The following ITGAE variants were observed in gnomAD, a reference collection of about 807,000 sequenced individuals.
ITGAE encodes the protein integrin alpha-E.
Under a neutral mutation model 136.5 loss-of-function variants are expected in ITGAE, and 99 were observed. The observed-to-expected ratio is 0.73, with a 90% CI of 0.62 to 0.86. The LOEUF (loss-of-function observed/expected upper bound fraction) is 0.86. ITGAE is among the 40% of genes least tolerant of loss of function. The probability of loss-of-function intolerance (pLI) is 0.00; values close to 1 mark genes in which losing one functional copy is unlikely to be tolerated. For synonymous variants in ITGAE, 613 were observed against 591.8 expected (o/e 1.04, Z -0.52); for missense variants, 1,447 against 1,515.3 (o/e 0.95, Z 0.75).
chr17:3,715,176 G>A (rs895413108), intron 30 of ITGAE, among the ~76,000 whole-genome samples: 2 of 152,116 alleles, frequency 1.3e-5, no homozygotes, highest in African/African-American at 2.4e-5. Flanking sequence ...CTGCTCTCCC[G>A]AGCAGCTGAA....
intron 17 of ITGAE, 73 bp downstream of exon 17, chr17:3,747,849 T>A: frequency 2.0e-6 from 1 of 489,116 alleles, no homozygotes; most frequent in African/African-American, 2.3e-5. Flanking sequence ...CAGTCCTCTT[T>A]CCCTGCCCCT....
intron 2 of ITGAE, among the ~76,000 whole-genome samples, chr17:3,764,578 TCCCAGCTACTCAGGAGG>T (rs2052249762): frequency 6.6e-6 from 1 of 152,156 alleles, no homozygotes; most frequent in Admixed American, 6.5e-5. Context: ...GTGCCTGTAG[TCCCAGCTACTCAGGAGG>T]CTGAGGCAGG....
intron 23 of ITGAE, among the ~76,000 whole-genome samples, chr17:3,730,736 A>G (rs575250455): frequency 2.6e-5 from 4 of 151,772 alleles, no homozygotes; most frequent in African/African-American, 9.7e-5. Flanking sequence ...GGGCAGAATC[A>G]CCTCCCTTTG....
chr17:3,776,962 CTTT>C (rs72345629), intron 2 of ITGAE, among the ~76,000 whole-genome samples: 16 of 138,042 alleles, frequency 1.2e-4, no homozygotes, highest in Admixed American at 2.2e-4. Context: ...TTAAAATTGT[CTTT>C]TTTTTTTTTT....
Position 3,754,638 on chromosome 17 carries a change from G to C in ITGAE, c.1384+479C>G, listed in dbSNP as rs532349079. 42 of 179,620 alleles carry C rather than the reference G, an allele frequency of 2.3e-4. No homozygotes were observed. The South Asian group carries it at 3.0e-3, about 13-fold the overall frequency. The allele number at this position is 179,620 out of a possible 1,614,324, so 11.1% of individuals were successfully genotyped here. On this transcript the variant is annotated intron_variant, in intron 12 of 30. Transcript: ENST00000263087. ...TGACAGGCCTTGTACCTACCCAGGA[G>C]GCTGTAGTACTCAGCCTCACGGTCC...
intron 16 of ITGAE, among the ~76,000 whole-genome samples, 170 bp downstream of exon 16, chr17:3,750,182 G>A (rs1225225122): frequency 6.7e-6 from 1 of 149,790 alleles, no homozygotes; most frequent in Admixed American, 6.6e-5. Flanking sequence ...CAAAGGCTGA[G>A]AGGGCTGAGA....
intron 1 of ITGAE, among the ~76,000 whole-genome samples, chr17:3,789,539 C>CA (rs1567560229): frequency 7.4e-6 from 1 of 135,714 alleles, no homozygotes; most frequent in East Asian, 2.5e-4. Context: ...CTCGCTCTGT[C>CA]ACCCAGGCTG....
At chr17:3,775,242 C>A (rs897885490) in intron 2 of ITGAE, among the ~76,000 whole-genome samples, 5 of 152,140 alleles carry the variant, frequency 3.3e-5, no homozygotes, top group Admixed American at 6.6e-5. Context: ...AGCCACTGCA[C>A]CTGCCAACCT....
At chr17:3,727,323 C>T (rs1005836483) in intron 26 of ITGAE, among the ~76,000 whole-genome samples, 2 of 151,980 alleles carry the variant, frequency 1.3e-5, no homozygotes, top group African/African-American at 4.8e-5. Flanking sequence ...TCACATGTTA[C>T]ATCGCTCACA....
intron 26 of ITGAE, chr17:3,726,267 C>T (rs267604847): frequency 1.2e-6 from 2 of 1,614,152 alleles, no homozygotes; most frequent in Non-Finnish European, 1.7e-6. Flanking sequence ...CCAGGAGTTC[C>T]ACAGGACAAT....
chr17:3,760,583 T>C (rs1471728173), intron 6 of ITGAE, among the ~76,000 whole-genome samples: 1 of 151,700 alleles, frequency 6.6e-6, no homozygotes, highest in Admixed American at 6.6e-5. Flanking sequence ...GGGACTATAA[T>C]GCACACCACC....
In ITGAE at chr17:3,799,259, C is replaced by A. The variant is rs993574105; in HGVS notation, c.34+1852G>T. On this transcript the variant is annotated intron_variant, in intron 1 of 30. Transcript: ENST00000263087. This position sits in a 1 kb window ranked among gnomAD's most constrained non-coding sequence, Gnocchi z 4.1. ...GACCTCACAGCATGGAGCAGAACTG[C>A]AGCAGCCTCGTTTCCGCCACCCACA... Among the ~76,000 whole-genome samples the A allele has an allele frequency of 6.6e-6, 1 of 152,206 alleles. No homozygotes were observed. Among genetic ancestry groups the A allele is most frequent in the Non-Finnish European group, 1.5e-5 (1 of 68,036 alleles).
intron 2 of ITGAE, among the ~76,000 whole-genome samples, chr17:3,773,721 A>G (rs142390324): frequency 4.7e-4 from 72 of 152,226 alleles, no homozygotes; most frequent in African/African-American, 1.6e-3. Context: ...CTGGTGATCA[A>G]CTAAACCTTC....
Position 3,799,268 on chromosome 17 carries a change from C to T in ITGAE, c.34+1843G>A, listed in dbSNP as rs553913150. Among the ~76,000 whole-genome samples the T allele has an allele frequency of 1.1e-4, 17 of 152,314 alleles. No homozygotes were observed. The highest frequency in any genetic ancestry group is 8.3e-4 in the South Asian group (4 of 4,824). On this transcript the variant is annotated intron_variant, in intron 1 of 30. Transcript: ENST00000263087. This position sits in a 1 kb window ranked among gnomAD's most constrained non-coding sequence, Gnocchi z 4.1. ...GCATGGAGCAGAACTGCAGCAGCCT[C>T]GTTTCCGCCACCCACACCGGAGCTG...
chr17:3,796,134 C>CGT (rs1567565712), intron 1 of ITGAE, among the ~76,000 whole-genome samples: 3 of 28,998 alleles, frequency 1.0e-4, no homozygotes, highest in South Asian at 6.8e-4. Flanking sequence ...TGTGTGCATC[C>CGT]ATGTGTGTGC....
intron 1 of ITGAE, among the ~76,000 whole-genome samples, chr17:3,782,404 G>T (rs1339734697): frequency 7.2e-6 from 1 of 139,084 alleles, no homozygotes; most frequent in Non-Finnish European, 1.5e-5. Flanking sequence ...TTTCGCTCTT[G>T]TCGCCCGAGC....
At chr17:3,773,796 C>G (rs948834720) in intron 2 of ITGAE, among the ~76,000 whole-genome samples, 8 of 152,146 alleles carry the variant, frequency 5.3e-5, no homozygotes, top group Admixed American at 1.3e-4. Flanking sequence ...GTGCCTGGTT[C>G]TCTCCAGTGA....
chr17:3,767,232 G>T (rs1003948604), intron 2 of ITGAE, among the ~76,000 whole-genome samples: 1 of 151,862 alleles, frequency 6.6e-6, no homozygotes, highest in Non-Finnish European at 1.5e-5. Context: ...AAAGTGCTGC[G>T]ATTACAGGCG....
At chr17:3,724,514 C>T (rs1387271459) in intron 26 of ITGAE, 1 of 1,613,978 alleles carries the variant, frequency 6.2e-7, no homozygotes, top group East Asian at 2.2e-5. Context: ...GCACCTCCGC[C>T]TGTCTGGTTG....
Sources: allele counts gnomAD v4.1 joint callset (sites outside exome capture counted in the v4.1 genomes callset), GRCh38; gene constraint gnomAD v4.1.1; non-coding constraint Gnocchi (gnomAD v3.1); transcripts MANE v1.5; gene names NCBI Gene and HGNC (gene_info 2026-07-23, HGNC 2026-07-21).